The following SAMD12 variants were observed in gnomAD, a reference collection of about 807,000 sequenced individuals.
SAMD12 encodes the protein sterile alpha motif domain containing 12.
In SAMD12, 9 loss-of-function variants were observed where a neutral mutation model predicts 15.0. The observed-to-expected ratio is 0.60, with a 90% CI of 0.36 to 1.05. The LOEUF is 1.05. Among genes scored for constraint, SAMD12 ranks in the 50% least tolerant of loss-of-function variants. The probability of loss-of-function intolerance (pLI) is 0.01; values close to 1 mark genes in which losing one functional copy is unlikely to be tolerated. For synonymous variants in SAMD12, 86 were observed against 90.1 expected (o/e 0.96, Z 0.25); for missense variants, 230 against 234.2 (o/e 0.98, Z 0.12).
chr8:118,153,103 G>C, the SAMD12 span, among the ~76,000 whole-genome samples: 1 of 152,216 alleles, frequency 6.6e-6, no homozygotes, highest in Non-Finnish European at 1.5e-5. Flanking sequence ...CTTGGTGTCT[G>C]TGTCAGTTAG....
rs147297473 is a variant in SAMD12 at position 118,571,264 on chromosome 8, A to C, written c.192+9451T>G. 4.0e-3 allele frequency among the ~76,000 whole-genome samples: 611 copies of C among 152,312 alleles called. 1 individual carries two copies. The highest frequency in any genetic ancestry group is 0.013 in the African/African-American group (555 of 41,570). The stretch of plus-strand genomic sequence containing the variant: ...TGGAGGGCTCAGAAGAAGGCAGGAA[A>C]ATGTGGGAAAGTTTGCAACTCCCTA... On this transcript the variant is annotated intron_variant, in intron 2 of 3. Transcript: ENST00000314727.
intron 2 of SAMD12, among the ~76,000 whole-genome samples, chr8:118,476,904 T>C (rs1280455417): frequency 2.0e-5 from 3 of 152,130 alleles, no homozygotes; most frequent in Non-Finnish European, 4.4e-5. Flanking sequence ...CTCTTCCCAA[T>C]TGTCAGCAAT....
intron 4 of SAMD12, among the ~76,000 whole-genome samples, chr8:118,224,165 G>T (rs1812138459): frequency 6.6e-6 from 1 of 152,180 alleles, no homozygotes; most frequent in African/African-American, 2.4e-5. Flanking sequence ...AACGGGTAAG[G>T]TGGATTTGGA....
chr8:118,282,468 G>A (rs1263407793), intron 4 of SAMD12: 2 of 388,570 alleles, frequency 5.1e-6, no homozygotes, highest in African/African-American at 2.1e-5. Context: ...CTGGTCTCCT[G>A]TAATTTATTT....
intron 2 of SAMD12, among the ~76,000 whole-genome samples, chr8:118,540,966 T>C (rs1036183638): frequency 5.9e-5 from 9 of 152,118 alleles, no homozygotes; most frequent in Non-Finnish European, 1.0e-4. Context: ...TTTCAGAAGA[T>C]GAAATGATGC....
chr8:118,553,779 C>G (rs1826427280), intron 2 of SAMD12, among the ~76,000 whole-genome samples: 1 of 150,498 alleles, frequency 6.6e-6, no homozygotes, highest in Admixed American at 6.6e-5. Flanking sequence ...TCGCAACCTA[C>G]TCATCTGACA....
intron 4 of SAMD12, among the ~76,000 whole-genome samples, chr8:118,241,004 C>T (rs892340444): frequency 1.3e-5 from 2 of 152,130 alleles, no homozygotes; most frequent in Non-Finnish European, 1.5e-5. Context: ...AAGAGCTCGG[C>T]TTTACCTTCC....
intron 2 of SAMD12, among the ~76,000 whole-genome samples, chr8:118,551,780 C>A (rs955905728): frequency 1.3e-4 from 20 of 149,308 alleles, no homozygotes; most frequent in African/African-American, 4.0e-4. Flanking sequence ...AGACCGCTAG[C>A]AAGACTAATA....
At chr8:118,552,759 C>G (rs1030203513) in intron 2 of SAMD12, among the ~76,000 whole-genome samples, 1 of 152,194 alleles carries the variant, frequency 6.6e-6, no homozygotes, top group African/African-American at 2.4e-5. Flanking sequence ...TCACAGATGA[C>G]ATGATTGTAT....
intron 4 of SAMD12, among the ~76,000 whole-genome samples, chr8:118,352,185 C>A (rs189550778): frequency 6.6e-6 from 1 of 152,282 alleles, no homozygotes; most frequent in African/African-American, 2.4e-5. Flanking sequence ...AGCAGTCATC[C>A]AACAACTAAT....
intron 4 of SAMD12, among the ~76,000 whole-genome samples, chr8:118,212,909 C>A (rs747397530): frequency 6.6e-6 from 1 of 152,010 alleles, no homozygotes; most frequent in Non-Finnish European, 1.5e-5. Flanking sequence ...ATCTCAGATG[C>A]AATGAAATAC....
chr8:118,457,121 ATAAT>A (rs1823279242), intron 2 of SAMD12, among the ~76,000 whole-genome samples: 1 of 152,186 alleles, frequency 6.6e-6, no homozygotes, highest in Non-Finnish European at 1.5e-5. Flanking sequence ...ACAATTAATG[ATAAT>A]TAATAAATAG....
In SAMD12 at chr8:118,613,898, T is replaced by C. The variant is rs79024246; in HGVS notation, c.13+7906A>G. Among the ~76,000 whole-genome samples the C allele has an allele frequency of 8.1e-3, 1,239 of 152,322 alleles. 17 individuals carry two copies. Among genetic ancestry groups the C allele is most frequent in the Middle Eastern group, 0.01 (3 of 294 alleles). On this transcript the variant is annotated intron_variant, in intron 1 of 3. Coordinates refer to ENST00000314727, the MANE Select transcript of SAMD12 (RefSeq NM_207506.3). Reference sequence around the variant, plus strand: ...AAGTAAATTTGTGGTAGAGAAAAATTATGTAAGTGATGAGTCTTTAGTGAA... The same window carrying C: ...AAGTAAATTTGTGGTAGAGAAAAATCATGTAAGTGATGAGTCTTTAGTGAA...
At chr8:118,352,776 C>T (rs1185744197) in intron 4 of SAMD12, among the ~76,000 whole-genome samples, 1 of 152,076 alleles carries the variant, frequency 6.6e-6, no homozygotes, top group African/African-American at 2.4e-5. Flanking sequence ...GTTTTTAATG[C>T]ACTAAGAAAT....
chr8:118,419,312 T>G (rs906431440), intron 3 of SAMD12, among the ~76,000 whole-genome samples: 1 of 152,212 alleles, frequency 6.6e-6, no homozygotes. Flanking sequence ...TCTGAGCTTC[T>G]AGATTCCTCA....
intron 4 of SAMD12, among the ~76,000 whole-genome samples, chr8:118,323,546 G>A (rs1816407704): frequency 6.6e-6 from 1 of 152,000 alleles, no homozygotes. Flanking sequence ...TGGATTGCTT[G>A]AAGCCAGGAG....
chr8:118,188,036 GAA>G (rs1491362731), downstream of SAMD12, among the ~76,000 whole-genome samples: 5 of 149,718 alleles, frequency 3.3e-5, no homozygotes, highest in African/African-American at 1.0e-4. Context: ...AAATGGGTTG[GAA>G]GAGAGAGAGA....
intron 4 of SAMD12, among the ~76,000 whole-genome samples, chr8:118,276,888 G>T (rs1490501625): frequency 6.6e-6 from 1 of 152,116 alleles, no homozygotes; most frequent in African/African-American, 2.4e-5. Context: ...GACCAGGCTG[G>T]TCTCGAACTC....
chr8:118,412,897 G>C (rs1444573129), intron 3 of SAMD12, among the ~76,000 whole-genome samples: 1 of 152,128 alleles, frequency 6.6e-6, no homozygotes, highest in Non-Finnish European at 1.5e-5. Flanking sequence ...GGTGGTACTG[G>C]GGCCCTAGCT....
Sources: allele counts gnomAD v4.1 joint callset (sites outside exome capture counted in the v4.1 genomes callset), GRCh38; gene constraint gnomAD v4.1.1; transcripts MANE v1.5; gene names NCBI Gene and HGNC (gene_info 2026-07-23, HGNC 2026-07-21).